Variants in LIN9 observed in about 807,000 individuals in gnomAD.
LIN9 encodes the protein lin-9 DREAM MuvB core complex component.
In LIN9, 18 loss-of-function variants were observed where a neutral mutation model predicts 78.0. The observed-to-expected ratio is 0.23, with a 90% CI of 0.16 to 0.34. LIN9 has a LOEUF of 0.34. LIN9 is among the 10% of genes least tolerant of loss of function. The pLI is 1.00. For synonymous variants in LIN9, 192 were observed against 215.2 expected (o/e 0.89, Z 0.94); for missense variants, 451 against 644.1 (o/e 0.70, Z 3.25).
chr1:226,255,344 T>C (rs1488327268), intron 10 of LIN9, among the ~76,000 whole-genome samples: 1 of 152,150 alleles, frequency 6.6e-6, no homozygotes. Context: ...GCTAACATGC[T>C]AGGGTTTTAT....
intron 4 of LIN9, among the ~76,000 whole-genome samples, chr1:226,289,834 CGGGGGGGGGGGT>C (rs869208548): frequency 0.022 from 270 of 12,084 alleles, 50 homozygotes; most frequent in Non-Finnish European, 0.033. Context: ...AGTAGTCCTC[CGGGGGGGGGGGT>C]GGGGGGGGGT....
intron 11 of LIN9, among the ~76,000 whole-genome samples, chr1:226,244,032 C>T (rs957388239): frequency 6.6e-5 from 10 of 151,322 alleles, no homozygotes; most frequent in African/African-American, 2.2e-4. Flanking sequence ...AGGCTACCTG[C>T]GCCGGGCTAA....
At chr1:226,308,941 A>G (rs1469440762) in intron 1 of LIN9, 168 bp downstream of exon 1, 1 of 505,098 alleles carries the variant, frequency 2.0e-6, no homozygotes, top group Non-Finnish European at 3.0e-6. Flanking sequence ...ACCATAACAA[A>G]GGCGGCGACG....
At chr1:226,286,292 C>A (rs1285407137) in intron 6 of LIN9, 41 bp downstream of exon 6, 1 of 1,590,428 alleles carries the variant, frequency 6.3e-7, no homozygotes, top group South Asian at 1.1e-5. Flanking sequence ...CTGCTACTGG[C>A]TTGATTTTAT....
intron 6 of LIN9, among the ~76,000 whole-genome samples, chr1:226,279,578 C>T (rs1576332045): frequency 9.1e-6 from 1 of 110,458 alleles, no homozygotes; most frequent in East Asian, 2.7e-4. Flanking sequence ...GCCTGGGCAA[C>T]ATGGTGAAAC....
At chr1:226,267,922 C>T (rs901525622) in intron 8 of LIN9, 35 bp downstream of exon 8, 2 of 1,590,772 alleles carry the variant, frequency 1.3e-6, no homozygotes, top group African/African-American at 2.7e-5. Flanking sequence ...ATTTAACAGG[C>T]ATAAAACACA....
intron 1 of LIN9, among the ~76,000 whole-genome samples, chr1:226,303,853 G>A (rs1320494997): frequency 1.3e-5 from 2 of 152,152 alleles, no homozygotes; most frequent in Non-Finnish European, 2.9e-5. Flanking sequence ...GTGACCACCC[G>A]GCTCGGCCTC....
chr1:226,245,151 G>T (rs1455377080), intron 11 of LIN9, among the ~76,000 whole-genome samples: 3 of 152,114 alleles, frequency 2.0e-5, no homozygotes, highest in Non-Finnish European at 1.5e-5. Flanking sequence ...AGGAAAAAAG[G>T]CATACACATT....
Position 226,268,004 on chromosome 1 carries a change from CAA to C in LIN9, c.767_768del (p.Phe256Ter). The C allele has an allele frequency of 1.2e-6, 2 of 1,614,002 alleles. No homozygotes were observed. The highest frequency in any genetic ancestry group is 1.7e-6 in the Non-Finnish European group (2 of 1,179,924). On this transcript the variant is annotated frameshift_variant, in exon 8 of 15. Transcript: ENST00000681046. LOFTEE classifies it high-confidence loss of function. ...DTLNATYRVT[F>X]DRTGLGTHTI... ...GTATGGGTTCCAAGCCCTGTCCTAT[CAA>C]AAGTTACTCTATAAGTAGCATTAAG...
intron 10 of LIN9, among the ~76,000 whole-genome samples, chr1:226,259,319 T>C (rs920494084): frequency 6.6e-6 from 1 of 152,192 alleles, no homozygotes; most frequent in African/African-American, 2.4e-5. Context: ...GCAAAATGAT[T>C]AACTATTGAC....
intron 9 of LIN9, 50 bp downstream of exon 9, chr1:226,266,163 C>T: frequency 7.6e-7 from 1 of 1,319,004 alleles, no homozygotes; most frequent in Non-Finnish European, 1.0e-6. Flanking sequence ...GAACATAGTT[C>T]ACCTTCATAA....
chr1:226,268,721 G>A (rs1660084583), intron 7 of LIN9, among the ~76,000 whole-genome samples: 2 of 152,192 alleles, frequency 1.3e-5, no homozygotes, highest in Non-Finnish European at 2.9e-5. Flanking sequence ...TAGAACTCTG[G>A]TCACTGAGTC....
At position 226,261,218 on chromosome 1, in the gene LIN9, G is replaced by A. The variant is rs1321135265; in HGVS notation, c.1038+4315C>T. Among the ~76,000 whole-genome samples the A allele has an allele frequency of 4.0e-5, 6 of 151,704 alleles. No homozygotes were observed. The Middle Eastern group carries it at 0.01, about 262-fold the overall frequency. On this transcript the variant is annotated intron_variant, in intron 10 of 14. Transcript: ENST00000681046. The stretch of plus-strand genomic sequence containing the variant: ...GAGAAACTAGAAGTTTTCCCACTAA[G>A]ATCAGGAAGAAGGCAACAATGTCCT...
At chr1:226,296,030 G>A in intron 3 of LIN9, 84 bp from the exon 4 acceptor site, 2 of 850,452 alleles carry the variant, frequency 2.4e-6, no homozygotes, top group East Asian at 2.6e-5. Flanking sequence ...TTGGAAAACT[G>A]AGCTAACTCT....
chr1:226,261,406 A>C (rs565754552), intron 10 of LIN9, among the ~76,000 whole-genome samples: 2 of 152,318 alleles, frequency 1.3e-5, no homozygotes, highest in Non-Finnish European at 2.9e-5. Context: ...AGAAAAAAAA[A>C]AAATCCCTGG....
chr1:226,266,437 G>T, intron 8 of LIN9, 105 bp from the exon 9 acceptor site: 1 of 799,522 alleles, frequency 1.3e-6, no homozygotes, highest in Non-Finnish European at 1.8e-6. Flanking sequence ...CATATTCTAT[G>T]ATTCATATAG....
At chr1:226,297,665 T>TC in intron 3 of LIN9, 54 bp downstream of exon 3, 1 of 1,255,452 alleles carries the variant, frequency 8.0e-7, no homozygotes. Flanking sequence ...ATGACAATAA[T>TC]ACAGACAACT....
intron 3 of LIN9, 126 bp downstream of exon 3, chr1:226,297,593 A>G: frequency 5.9e-6 from 3 of 507,508 alleles, no homozygotes; most frequent in Non-Finnish European, 6.9e-6. Flanking sequence ...AACAGTGCTT[A>G]ATGACACTTG....
intron 10 of LIN9, among the ~76,000 whole-genome samples, chr1:226,259,643 G>T (rs915405231): frequency 6.6e-6 from 1 of 151,990 alleles, no homozygotes; most frequent in South Asian, 2.1e-4. Flanking sequence ...AACAAAGAAA[G>T]CTGTAAAATC....
Sources: gnomAD v4.1 joint callset for allele counts (sites outside exome capture counted in the v4.1 genomes callset) on GRCh38, gnomAD v4.1.1 for gene constraint, MANE v1.5 for transcripts, NCBI Gene and HGNC (gene_info 2026-07-23, HGNC 2026-07-21) for gene names.